Variants in SRGAP1 observed in about 807,000 individuals in gnomAD.
SRGAP1 encodes SLIT-ROBO Rho GTPase-activating protein 1.
In SRGAP1, 43 loss-of-function variants were observed where a neutral mutation model predicts 121.9. The observed-to-expected ratio is 0.35, with a 90% CI of 0.28 to 0.46. The LOEUF (loss-of-function observed/expected upper bound fraction) is 0.46, where lower values mean the gene tolerates loss of function less well. Ranked by LOEUF, SRGAP1 falls within the 20% of genes least tolerant of loss-of-function variation. SRGAP1 has a pLI of 1.00. For missense variants in SRGAP1, 1,102 were observed against 1,350.9 expected (o/e 0.82, Z 2.89); for synonymous variants, 447 against 485.4 (o/e 0.92, Z 1.04).
intron 3 of SRGAP1, among the ~76,000 whole-genome samples, chr12:64,015,861 C>T (rs2034388143): frequency 6.6e-6 from 1 of 152,172 alleles, no homozygotes; most frequent in African/African-American, 2.4e-5. Flanking sequence ...CTATGCTACA[C>T]ATTTTTTTTC....
chr12:64,023,204 C>CAAAAA (rs11312893), intron 4 of SRGAP1, among the ~76,000 whole-genome samples: 8 of 77,106 alleles, frequency 1.0e-4, no homozygotes, highest in Admixed American at 1.6e-4. Flanking sequence ...ACTTTTGTAC[C>CAAAAA]AAAAAAAAAA....
intron 8 of SRGAP1, among the ~76,000 whole-genome samples, chr12:64,067,647 C>T (rs1403903541): frequency 4.0e-5 from 6 of 151,810 alleles, no homozygotes; most frequent in Admixed American, 3.9e-4. Context: ...TCAGTAGATA[C>T]CATAAAAATA....
intron 1 of SRGAP1, among the ~76,000 whole-genome samples, chr12:63,874,205 A>G (rs937251680): frequency 2.0e-5 from 3 of 151,932 alleles, no homozygotes; most frequent in Non-Finnish European, 2.9e-5. Context: ...ATTAGAAAGT[A>G]TGACTCTTTT....
chr12:63,965,117 GGACTGTTA>G (rs1392444572), intron 1 of SRGAP1, among the ~76,000 whole-genome samples: 4 of 152,174 alleles, frequency 2.6e-5, no homozygotes, highest in African/African-American at 9.6e-5. Flanking sequence ...GTGTGCTTTG[GGACTGTTA>G]TAAGGATTCA....
chr12:64,067,513 G>T (rs1420926500), intron 8 of SRGAP1, among the ~76,000 whole-genome samples: 2 of 152,096 alleles, frequency 1.3e-5, no homozygotes, highest in Non-Finnish European at 2.9e-5. Context: ...CAAATGAATT[G>T]GATTATCCTA....
intron 1 of SRGAP1, among the ~76,000 whole-genome samples, chr12:63,957,283 C>A (rs1231190177): frequency 6.6e-6 from 1 of 152,236 alleles, no homozygotes; most frequent in Non-Finnish European, 1.5e-5. Flanking sequence ...ACCTGGACAT[C>A]AGCAGGTCAG....
At chr12:64,118,284 T>A (rs538631500) in intron 18 of SRGAP1, among the ~76,000 whole-genome samples, 1 of 152,308 alleles carries the variant, frequency 6.6e-6, no homozygotes, top group East Asian at 1.9e-4. Flanking sequence ...TGTTTTTTGT[T>A]TTTGAGACAG....
chr12:64,094,177 T>C (rs1226040480), intron 12 of SRGAP1, among the ~76,000 whole-genome samples: 2 of 152,132 alleles, frequency 1.3e-5, no homozygotes, highest in African/African-American at 4.8e-5. Flanking sequence ...TACATGGCAT[T>C]GGTACATATT....
rs754875877 is a variant in SRGAP1, at chr12:63,981,041, G to A, written c.68-2906G>A. Among the ~76,000 whole-genome samples, 81 of 152,046 alleles carry A rather than the reference G, an allele frequency of 5.3e-4. 1 individual carries two copies. The highest frequency in any genetic ancestry group is 1.0e-3 in the South Asian group (5 of 4,822). ...CCTCCATGTTTTGGAGTTGATTTTC[G>A]CACAGTGATGCTCTGGATTCTGTTC... On this transcript the variant is annotated intron_variant, in intron 1 of 21. Coordinates refer to ENST00000355086, the MANE Select transcript of SRGAP1 (RefSeq NM_020762.4).
rs1346335436 is a variant in SRGAP1, at chr12:64,152,494, C to CTT, written c.*9823_*9824insTT. ...ATCTTCAAGCCTAATGCATCACTAA[C>CTT]TAAATAGCAAATCGGCGGAACTGAA... On this transcript the variant is annotated 3_prime_UTR_variant, in exon 22 of 22. Transcript: ENST00000355086. The CTT allele has an allele frequency of 2.0e-5, 3 of 152,246 alleles. No individual in the cohort carries two copies. Among genetic ancestry groups the CTT allele is most frequent in the Admixed American group, 6.5e-5 (1 of 15,288 alleles). 9.4% of individuals were successfully genotyped at this position (152,246 alleles called of 1,614,324 possible).
At chr12:64,095,040 G>A (rs907183811) in intron 13 of SRGAP1, 48 bp downstream of exon 13, 12 of 1,610,490 alleles carry the variant, frequency 7.5e-6, no homozygotes, top group Non-Finnish European at 1.0e-5. Flanking sequence ...ATCACTTGAA[G>A]TGTTTCAGTA....
intron 1 of SRGAP1, among the ~76,000 whole-genome samples, chr12:63,964,627 G>A (rs537962086): frequency 2.7e-5 from 4 of 150,236 alleles, no homozygotes; most frequent in African/African-American, 1.0e-4. Context: ...TAGTTACACT[G>A]TGGGTTTTCT....
At chr12:63,964,229 TA>T (rs1189495921) in intron 1 of SRGAP1, among the ~76,000 whole-genome samples, 1 of 152,210 alleles carries the variant, frequency 6.6e-6, no homozygotes, top group African/African-American at 2.4e-5. Flanking sequence ...TTAAATGAGT[TA>T]ATTCCTACAA....
chr12:63,979,367 T>C (rs2033186584), intron 1 of SRGAP1, among the ~76,000 whole-genome samples: 1 of 152,118 alleles, frequency 6.6e-6, no homozygotes, highest in African/African-American at 2.4e-5. Flanking sequence ...GATTTTGTTT[T>C]TATTGTTGAG....
At chr12:63,959,515 C>A (rs2032573080) in intron 1 of SRGAP1, among the ~76,000 whole-genome samples, 1 of 152,094 alleles carries the variant, frequency 6.6e-6, no homozygotes, top group Admixed American at 6.5e-5. Flanking sequence ...ATTAGATTAT[C>A]CATAGTTATT....
At chr12:64,025,309 T>G (rs2034630300) in intron 4 of SRGAP1, among the ~76,000 whole-genome samples, 1 of 152,070 alleles carries the variant, frequency 6.6e-6, no homozygotes, top group African/African-American at 2.4e-5. Context: ...AAGGCATCCT[T>G]CTATAAAGAA....
At chr12:63,912,633 T>C (rs1258488517) in intron 1 of SRGAP1, among the ~76,000 whole-genome samples, 1 of 147,532 alleles carries the variant, frequency 6.8e-6, no homozygotes, top group East Asian at 2.0e-4. Context: ...AAAAAAAAAA[T>C]CAGCACTGGA....
At chr12:64,080,768 G>A (rs376145786) in intron 10 of SRGAP1, 9 of 265,610 alleles carry the variant, frequency 3.4e-5, no homozygotes, top group East Asian at 2.8e-4. Context: ...TTTAATGGGC[G>A]AGTATTTGTT....
At chr12:63,884,513 GTATT>G (rs1218655915) in intron 1 of SRGAP1, among the ~76,000 whole-genome samples, 1 of 152,024 alleles carries the variant, frequency 6.6e-6, no homozygotes, top group Non-Finnish European at 1.5e-5. Context: ...AGCACCTTAT[GTATT>G]TATTGTTTCT....
Sources: gnomAD v4.1 joint callset for allele counts (sites outside exome capture counted in the v4.1 genomes callset) on GRCh38, gnomAD v4.1.1 for gene constraint, MANE v1.5 for transcripts, NCBI Gene and HGNC (gene_info 2026-07-23, HGNC 2026-07-21) for gene names.